SLC6A12: variants seen among roughly 807,000 people sequenced by gnomAD.
The protein encoded by SLC6A12 is solute carrier family 6 member 12.
SLC6A12 carries 50 observed loss-of-function variants against 73.3 expected under a neutral mutation model. The observed-to-expected ratio is 0.68, with a 90% CI of 0.54 to 0.86. The LOEUF (loss-of-function observed/expected upper bound fraction) is 0.86, where lower values mean the gene tolerates loss of function less well. Ranked by LOEUF, SLC6A12 falls within the 40% of genes least tolerant of loss-of-function variation. The pLI, the probability that SLC6A12 is intolerant of heterozygous loss-of-function variation, is 0.00. For missense variants in SLC6A12, 648 were observed against 772.8 expected (o/e 0.84, Z 1.92); for synonymous variants, 304 against 309.2 (o/e 0.98, Z 0.18).
At chr12:193,669 G>C (rs552652603) in intron 13 of SLC6A12, among the ~76,000 whole-genome samples, 184 of 152,358 alleles carry the variant, frequency 1.2e-3, no homozygotes, top group African/African-American at 4.3e-3. Flanking sequence ...AACCACAAAG[G>C]AGTGGTGTGA....
At chr12:187,623 AAAAAAAAACAAAC>A (rs1939458862), downstream of SLC6A12, among the ~76,000 whole-genome samples, 2 of 36,126 alleles carry the variant, frequency 5.5e-5, no homozygotes, top group Admixed American at 2.6e-4. Context: ...AAAAAAAAAA[AAAAAAAAACAAAC>A]CACACACACA....
rs771245117 is a variant in SLC6A12 at position 200,750 on chromosome 12, A to G, written c.612T>C (p.His204=). The G allele has an allele frequency of 3.1e-6, 5 of 1,613,934 alleles. No homozygotes were observed. In the African/African-American group the frequency reaches 4.0e-5, roughly 13 times the overall value. ...RRVLGITSGI[H]DLGSLRWELA... ...GCTCCCAGCGCAGGGAGCCCAGGTC[A>G]TGGATGCCCGAGGTGATGCCCAGAA... The change falls in exon 7 of 16, where the codon CAT becomes CAC. Residue 204 remains histidine (H), a synonymous_variant. Coordinates refer to ENST00000684302, the MANE Select transcript of SLC6A12 (RefSeq NM_001122848.3).
intron 2 of SLC6A12, among the ~76,000 whole-genome samples, chr12:211,497 A>T (rs1185343111): frequency 6.6e-6 from 1 of 152,200 alleles, no homozygotes; most frequent in Non-Finnish European, 1.5e-5. Flanking sequence ...AGTCTCTGTT[A>T]TGAGGGAGAA....
chr12:198,135 C>A lies in SLC6A12; in HGVS notation c.847-132G>T. 1.5e-6 allele frequency: 1 copy of A among 673,352 alleles called. No individual in the cohort carries two copies. Among genetic ancestry groups the A allele is most frequent in the Non-Finnish European group, 2.6e-6 (1 of 383,284 alleles). The allele number at this position is 673,352 out of a possible 1,614,324, so 41.7% of individuals were successfully genotyped here. A position where few individuals can be genotyped will look rare whatever the true frequency, so the allele number is the denominator to read the frequency against. The stretch of plus-strand genomic sequence containing the variant: ...CTCCCTGAGCGCTTCCCTCCTGCAT[C>A]CCAACTCTCCGTGAGTGCGCCCTCC... On this transcript the variant is annotated intron_variant, in intron 8 of 15. Coordinates refer to ENST00000684302, the MANE Select transcript of SLC6A12 (RefSeq NM_001122848.3). This position sits in a 1 kb window ranked among gnomAD's most constrained non-coding sequence, Gnocchi z 4.0.
intron 3 of SLC6A12, among the ~76,000 whole-genome samples, chr12:205,867 A>C (rs1940608993): frequency 6.6e-6 from 1 of 152,198 alleles, no homozygotes; most frequent in African/African-American, 2.4e-5. Flanking sequence ...ATTGCTGCAT[A>C]GTGTTCCACT....
chr12:192,682 A>AG (rs766519638), intron 14 of SLC6A12, 34 bp from the exon 15 acceptor site: 15 of 1,605,688 alleles, frequency 9.3e-6, no homozygotes, highest in Non-Finnish European at 1.3e-5. Flanking sequence ...TGGGTAAGAT[A>AG]GGGGGCGACT....
rs1940066545 is a variant in SLC6A12, at chr12:198,955, G to A, written c.712-24C>T. On this transcript the variant is annotated intron_variant, in intron 7 of 15. Transcript: ENST00000684302. The surrounding 1 kb of genome is among the most constrained non-coding windows in gnomAD (Gnocchi z 4.0). ...ACCTGGAGGTGGGGGGACAGGCCAA[G>A]GTCACTCCTGGTGGGGACGCAGTGG... 2 of 1,613,228 alleles carry A rather than the reference G, an allele frequency of 1.2e-6. No homozygotes were observed. Among genetic ancestry groups the A allele is most frequent in the Admixed American group, 3.3e-5 (2 of 59,984 alleles).
At chr12:187,589 CAAA>C (rs761187495), downstream of SLC6A12, among the ~76,000 whole-genome samples, 4 of 106,046 alleles carry the variant, frequency 3.8e-5, no homozygotes, top group African/African-American at 5.3e-5. Flanking sequence ...TGCAAAAGAG[CAAA>C]AAAAAAAAAA....
At chr12:184,422 C>T in the SLC6A12 span, among the ~76,000 whole-genome samples, 23 of 152,142 alleles carry the variant, frequency 1.5e-4, no homozygotes, top group Non-Finnish European at 2.9e-5. Flanking sequence ...ATCAGGAGTT[C>T]GAGACCAGTC....
intron 15 of SLC6A12, among the ~76,000 whole-genome samples, chr12:192,238 C>A (rs1277671547): frequency 1.3e-5 from 2 of 152,192 alleles, no homozygotes; most frequent in African/African-American, 4.8e-5. Context: ...GTTAGCCTGC[C>A]CAGATCATCC....
intron 3 of SLC6A12, among the ~76,000 whole-genome samples, chr12:205,799 T>A (rs1940604415): frequency 6.6e-6 from 1 of 152,240 alleles, no homozygotes; most frequent in Non-Finnish European, 1.5e-5. Flanking sequence ...AACCACTTTT[T>A]AAATTTTTAC....
rs1182697666 is a variant in SLC6A12, at chr12:198,689, G to A, written c.846+108C>T. 2 of 828,590 alleles carry A rather than the reference G, an allele frequency of 2.4e-6. No individual in the cohort carries two copies. Among genetic ancestry groups the A allele is most frequent in the Admixed American group, 5.2e-5 (2 of 38,626 alleles). The allele number at this position is 828,590 out of a possible 1,614,324, so 51.3% of individuals were successfully genotyped here. The stretch of plus-strand genomic sequence containing the variant: ...ATATTTTCTAATTTATCTCCAGTGG[G>A]CATTTATTGCTTTTAAACCAAGGAA... On this transcript the variant is annotated intron_variant, in intron 8 of 15. Transcript: ENST00000684302. This position sits in a 1 kb window ranked among gnomAD's most constrained non-coding sequence, Gnocchi z 4.0.
In SLC6A12 at chr12:193,395, G is replaced by T. The variant is rs1220520487; in HGVS notation, c.1430-18C>A. On this transcript the variant is annotated intron_variant, in intron 13 of 15. Transcript: ENST00000684302. ...GTCCGCCCCTGAGCAGGCATGGCGTGGGAGAGTGTGAGAGCCAGAGGGTGA... is the reference window on the plus strand; with the variant it reads ...GTCCGCCCCTGAGCAGGCATGGCGTTGGAGAGTGTGAGAGCCAGAGGGTGA... 25 of 1,589,664 alleles carry T rather than the reference G, an allele frequency of 1.6e-5. No homozygotes were observed. Among genetic ancestry groups the T allele is most frequent in the Non-Finnish European group, 2.1e-5 (24 of 1,158,576 alleles).
downstream of SLC6A12, among the ~76,000 whole-genome samples, chr12:187,742 G>C (rs1939463129): frequency 6.6e-6 from 1 of 151,956 alleles, no homozygotes; most frequent in African/African-American, 2.4e-5. Context: ...ACATCCTGCT[G>C]ATTGGTCCAT....
chr12:211,664 A>G (rs1940908227), intron 2 of SLC6A12, among the ~76,000 whole-genome samples: 2 of 152,204 alleles, frequency 1.3e-5, no homozygotes, highest in South Asian at 4.1e-4. Flanking sequence ...GGATGTTGCT[A>G]CAGAATTAGG....
Position 198,058 on chromosome 12 carries a change from G to A in SLC6A12, c.847-55C>T. ...GCAGCCCCCAGGGCCCAGAGCCAGGGTGACCCGAGATCCAGACCCGTCCCC... is the reference window on the plus strand; with the variant it reads ...GCAGCCCCCAGGGCCCAGAGCCAGGATGACCCGAGATCCAGACCCGTCCCC... On this transcript the variant is annotated intron_variant, in intron 8 of 15. Transcript: ENST00000684302. The surrounding 1 kb of genome is among the most constrained non-coding windows in gnomAD (Gnocchi z 4.0). The A allele has an allele frequency of 6.8e-7, 1 of 1,474,110 alleles. No individual in the cohort carries two copies. 91.3% of individuals were successfully genotyped at this position (1,474,110 alleles called of 1,614,324 possible). A position where few individuals can be genotyped will look rare whatever the true frequency, so the allele number is the denominator to read the frequency against.
At chr12:202,036 C>T (rs1463962587) in intron 5 of SLC6A12, among the ~76,000 whole-genome samples, 187 bp from the exon 6 acceptor site, 2 of 152,204 alleles carry the variant, frequency 1.3e-5, no homozygotes, top group Non-Finnish European at 2.9e-5. Flanking sequence ...GCTCTTGTTC[C>T]CTGTGAATCT....
downstream of SLC6A12, among the ~76,000 whole-genome samples, chr12:189,273 G>A: frequency 6.6e-6 from 1 of 152,158 alleles, no homozygotes; most frequent in East Asian, 1.9e-4. Context: ...TCTGCCACCC[G>A]GCGGCCGCAG....
At chr12:200,858 G>T in intron 6 of SLC6A12, 75 bp from the exon 7 acceptor site, 1 of 1,482,770 alleles carries the variant, frequency 6.7e-7, no homozygotes, top group Non-Finnish European at 9.2e-7. Context: ...CAAGTCTCCT[G>T]ATTCTCAGAG....
Sources: gnomAD v4.1 joint callset for allele counts (sites outside exome capture counted in the v4.1 genomes callset) on GRCh38, gnomAD v4.1.1 for gene constraint, Gnocchi (gnomAD v3.1) non-coding constraint, MANE v1.5 for transcripts, NCBI Gene and HGNC (gene_info 2026-07-23, HGNC 2026-07-21) for gene names.